PTPRD: variants seen among roughly 807,000 people sequenced by gnomAD.
The protein encoded by PTPRD is receptor-type tyrosine-protein phosphatase delta.
PTPRD carries 34 observed loss-of-function variants against 214.5 expected under a neutral mutation model. The ratio of observed to expected loss-of-function variants is 0.16; its 90% CI spans 0.12 to 0.21. PTPRD has a LOEUF of 0.21. Among genes scored for constraint, PTPRD ranks in the 10% least tolerant of loss-of-function variants. PTPRD has a pLI of 1.00. For missense variants in PTPRD, 2,545 were observed against 2,398.7 expected, an observed-to-expected ratio of 1.06 and a Z score of -1.27; for synonymous variants, 1,128 against 845.7, an observed-to-expected ratio of 1.33 and a Z score of -5.79.
At chr9:8,849,131 T>A (rs1023963493) in intron 11 of PTPRD, among the ~76,000 whole-genome samples, 1 of 151,768 alleles carries the variant, frequency 6.6e-6, no homozygotes, top group Non-Finnish European at 1.5e-5. Context: ...TAATTATTCT[T>A]CACATTTTAT....
chr9:9,921,092 C>G (rs1381206030), intron 5 of PTPRD, among the ~76,000 whole-genome samples: 1 of 151,992 alleles, frequency 6.6e-6, no homozygotes, highest in African/African-American at 2.4e-5. Context: ...TTATTTTTGA[C>G]TGCTTTTAAT....
At chr9:9,523,520 G>GT (rs142120004) in intron 8 of PTPRD, among the ~76,000 whole-genome samples, 4,169 of 152,180 alleles carry the variant, frequency 0.027, 206 homozygotes, top group African/African-American at 0.094. Context: ...TCTAACTCCT[G>GT]TTCTATCTAT....
intron 11 of PTPRD, among the ~76,000 whole-genome samples, chr9:8,946,186 C>A (rs1033426428): frequency 1.4e-4 from 22 of 152,252 alleles, no homozygotes; most frequent in African/African-American, 4.8e-4. Context: ...ACTTGATAGC[C>A]ATTCCTAAAT....
At chr9:9,643,370 C>T (rs1326765) in intron 7 of PTPRD, among the ~76,000 whole-genome samples, 2,825 of 152,162 alleles carry the variant, frequency 0.019, 84 homozygotes, top group African/African-American at 0.065. Flanking sequence ...AAAAAAAGAA[C>T]ATAGGGCCTC....
chr9:9,276,185 G>A (rs1052847036), intron 9 of PTPRD, among the ~76,000 whole-genome samples: 5 of 151,268 alleles, frequency 3.3e-5, no homozygotes, highest in Non-Finnish European at 7.4e-5. Context: ...TCATTTGAAT[G>A]AATTTTTTGA....
rs12552156 is a variant in PTPRD at position 9,337,599 on chromosome 9, A to C, written c.-203+59850T>G. Among the ~76,000 whole-genome samples, 1,453 of 152,288 alleles carry C rather than the reference A, an allele frequency of 9.5e-3. 48 individuals carry two copies. The East Asian group carries it at 0.11, about 11-fold the overall frequency. On this transcript the variant is annotated intron_variant, in intron 9 of 45. Coordinates refer to ENST00000381196, the MANE Select transcript of PTPRD (RefSeq NM_002839.4). ...CTTAATATGAATCTACCTTTAAGTG[A>C]TGGACAACCTGACAAATCGCATACG... is the stretch of plus-strand genomic sequence containing the variant.
intron 5 of PTPRD, among the ~76,000 whole-genome samples, chr9:9,905,561 A>G (rs2077362975): frequency 6.6e-6 from 1 of 151,972 alleles, no homozygotes; most frequent in Non-Finnish European, 1.5e-5. Context: ...ATTTTATAAA[A>G]TAACTATACA....
intron 4 of PTPRD, among the ~76,000 whole-genome samples, chr9:9,986,424 T>C (rs1271714626): frequency 6.6e-6 from 1 of 152,142 alleles, no homozygotes; most frequent in Admixed American, 6.6e-5. Flanking sequence ...TATTGTAGAA[T>C]ATTTTTAGGT....
chr9:10,608,725 T>C (rs1301306620), intron 2 of PTPRD, among the ~76,000 whole-genome samples: 1 of 152,122 alleles, frequency 6.6e-6, no homozygotes, highest in Non-Finnish European at 1.5e-5. Context: ...TCAAAACCTT[T>C]GTTACTACAA....
chr9:8,622,723 C>T (rs1564785941), intron 14 of PTPRD, among the ~76,000 whole-genome samples: 2 of 151,594 alleles, frequency 1.3e-5, no homozygotes, highest in African/African-American at 2.4e-5. Context: ...TATGCCTATC[C>T]GAGATGTGGA....
intron 12 of PTPRD, among the ~76,000 whole-genome samples, chr9:8,721,355 A>G (rs980404): frequency 0.59 from 87,234 of 148,400 alleles, 26,887 homozygotes; most frequent in African/African-American, 0.8. Context: ...GCTTGAACCT[A>G]GGAGTCAGAG....
At chr9:10,529,857 G>C (rs2055629745) in intron 2 of PTPRD, among the ~76,000 whole-genome samples, 1 of 151,670 alleles carries the variant, frequency 6.6e-6, no homozygotes, top group Non-Finnish European at 1.5e-5. Context: ...TGGACAATGA[G>C]AACACATGGA....
intron 11 of PTPRD, among the ~76,000 whole-genome samples, chr9:8,992,453 C>T (rs982035486): frequency 6.6e-6 from 1 of 152,128 alleles, no homozygotes; most frequent in Admixed American, 6.6e-5. Context: ...CTATTCCCAG[C>T]AGGATGGTTG....
chr9:9,120,635 T>C (rs1219536029), intron 10 of PTPRD, among the ~76,000 whole-genome samples: 1 of 152,238 alleles, frequency 6.6e-6, no homozygotes, highest in Non-Finnish European at 1.5e-5. Flanking sequence ...GCAGATCATC[T>C]GGAGAGGAGG....
At chr9:8,848,537 G>C (rs147013358) in intron 11 of PTPRD, among the ~76,000 whole-genome samples, 2,468 of 147,086 alleles carry the variant, frequency 0.017, 61 homozygotes, top group African/African-American at 0.059. Flanking sequence ...TAGAGACAGG[G>C]TCTTGCTATG....
At chr9:9,839,959 C>T (rs1451057818) in intron 5 of PTPRD, among the ~76,000 whole-genome samples, 2 of 152,000 alleles carry the variant, frequency 1.3e-5, no homozygotes, top group Non-Finnish European at 2.9e-5. Context: ...ATAAATAGTA[C>T]TAAAAATAAC....
intron 3 of PTPRD, among the ~76,000 whole-genome samples, chr9:10,199,106 G>C (rs1290616102): frequency 6.6e-6 from 1 of 151,474 alleles, no homozygotes; most frequent in East Asian, 1.9e-4. Context: ...GTATAGAAGA[G>C]AGATCACATT....
chr9:8,376,872 AT>A, intron 37 of PTPRD, 146 bp from the exon 38 acceptor site: 1 of 1,064,788 alleles, frequency 9.4e-7, no homozygotes. Flanking sequence ...TTATCCCAAT[AT>A]ATGTAAATTA....
chr9:9,779,870 T>G (rs992374799), intron 5 of PTPRD, among the ~76,000 whole-genome samples: 17 of 152,158 alleles, frequency 1.1e-4, no homozygotes, highest in African/African-American at 4.1e-4. Context: ...AAACTTAAAA[T>G]AGAGCTACCA....
Sources: allele counts gnomAD v4.1 joint callset (sites outside exome capture counted in the v4.1 genomes callset), GRCh38; gene constraint gnomAD v4.1.1; transcripts MANE v1.5; gene names NCBI Gene and HGNC (gene_info 2026-07-23, HGNC 2026-07-21).